The following MTSS1 variants were observed in gnomAD, a reference collection of about 807,000 sequenced individuals.
MTSS1 encodes protein MTSS 1.
Under a neutral mutation model 79.0 loss-of-function variants are expected in MTSS1, and 18 were observed. That is an observed-to-expected ratio of 0.23 (90% CI 0.16 to 0.34). The LOEUF is 0.34. Ranked by LOEUF, MTSS1 falls within the 10% of genes least tolerant of loss-of-function variation. The pLI is 1.00. For synonymous variants in MTSS1, 341 were observed against 368.6 expected (o/e 0.93, Z 0.86); for missense variants, 815 against 986.2 (o/e 0.83, Z 2.33).
intron 3 of MTSS1, among the ~76,000 whole-genome samples, chr8:124,641,837 G>A (rs1460336006): frequency 2.0e-5 from 3 of 152,148 alleles, no homozygotes; most frequent in Admixed American, 6.5e-5. Context: ...ATAAACAGAA[G>A]AGAATTTAAA....
At chr8:124,592,044 C>T (rs1563813937) in intron 3 of MTSS1, among the ~76,000 whole-genome samples, 1 of 152,132 alleles carries the variant, frequency 6.6e-6, no homozygotes, top group Non-Finnish European at 1.5e-5. Context: ...CCTCAGCCTC[C>T]CAAAGTGCTA....
chr8:124,657,763 C>T (rs181398127), intron 3 of MTSS1, among the ~76,000 whole-genome samples: 188 of 152,332 alleles, frequency 1.2e-3, no homozygotes, highest in Non-Finnish European at 2.2e-3. Context: ...AAGCATGAGG[C>T]TCTCAGCTCA....
At chr8:124,595,814 G>A (rs1832661527) in intron 3 of MTSS1, among the ~76,000 whole-genome samples, 1 of 152,184 alleles carries the variant, frequency 6.6e-6, no homozygotes, top group Non-Finnish European at 1.5e-5. Context: ...GCAGGGCACT[G>A]TGGCTGACTG....
intron 3 of MTSS1, among the ~76,000 whole-genome samples, chr8:124,608,324 G>A (rs984577804): frequency 1.3e-5 from 2 of 152,222 alleles, no homozygotes; most frequent in Non-Finnish European, 1.5e-5. Flanking sequence ...TCAGTCATCA[G>A]TTAGGAAGTT....
chr8:124,576,670 G>A (rs1201723215), intron 6 of MTSS1, among the ~76,000 whole-genome samples: 1 of 152,178 alleles, frequency 6.6e-6, no homozygotes, highest in Non-Finnish European at 1.5e-5. Context: ...ATGAATGGAA[G>A]AATGGCACCA....
At chr8:124,615,707 TCC>T (rs1836717484) in intron 3 of MTSS1, among the ~76,000 whole-genome samples, 1 of 152,188 alleles carries the variant, frequency 6.6e-6, no homozygotes, top group African/African-American at 2.4e-5. Flanking sequence ...TTATGCACAC[TCC>T]ACCACAACTA....
chr8:124,558,904 A>T, intron 10 of MTSS1: 2 of 1,458,192 alleles, frequency 1.4e-6, no homozygotes, highest in Non-Finnish European at 1.8e-6. Flanking sequence ...TATAATAAAT[A>T]AAAAAAGGAA....
chr8:124,583,796 G>A (rs1280903002), intron 6 of MTSS1, among the ~76,000 whole-genome samples: 3 of 152,038 alleles, frequency 2.0e-5, no homozygotes, highest in Admixed American at 6.6e-5. Flanking sequence ...GCTCTCTTCC[G>A]GGCCTCAGAC....
Position 124,688,844 on chromosome 8 carries a change from C to T in MTSS1, c.208+10682G>A, listed in dbSNP as rs1472335384. Among the ~76,000 whole-genome samples the T allele has an allele frequency of 5.3e-5, 8 of 152,108 alleles. No individual in the cohort carries two copies. In the East Asian group the frequency reaches 1.5e-3, roughly 29 times the overall value. On this transcript the variant is annotated intron_variant, in intron 3 of 13. Transcript: ENST00000518547. ...AACGCTAGAATCCCCAGTCTCCTTC[C>T]TAGCTGTGTGACCTCGGACAAGTGA...
chr8:124,629,008 G>A (rs1377196986), intron 3 of MTSS1, among the ~76,000 whole-genome samples: 3 of 152,176 alleles, frequency 2.0e-5, no homozygotes, highest in African/African-American at 7.2e-5. Flanking sequence ...TGGGGCAGGA[G>A]GGAAATGAGT....
rs1822618064 is a variant in MTSS1, at chr8:124,552,136, A to C, written c.*856T>G. ...ATAAAGGTGAGTACAATCAACGAGAAACTGAAGTGGGAGATTCTACGACTG... is the reference window on the plus strand; with the variant it reads ...ATAAAGGTGAGTACAATCAACGAGACACTGAAGTGGGAGATTCTACGACTG... On this transcript the variant is annotated 3_prime_UTR_variant, in exon 14 of 14. Transcript: ENST00000518547. 1 of 152,686 alleles carries C rather than the reference A, an allele frequency of 6.5e-6. No homozygotes were observed. The highest frequency in any genetic ancestry group is 1.5e-5 in the Non-Finnish European group (1 of 68,062). The allele number at this position is 152,686 out of a possible 1,614,324, so 9.5% of individuals were successfully genotyped here. A position where few individuals can be genotyped will look rare whatever the true frequency, so the allele number is the denominator to read the frequency against.
chr8:124,575,248 C>T (rs1400908627), intron 6 of MTSS1, among the ~76,000 whole-genome samples: 2 of 152,068 alleles, frequency 1.3e-5, no homozygotes, highest in Middle Eastern at 3.2e-3. Flanking sequence ...AAATCCAACC[C>T]GAAATCAAAA....
chr8:124,646,185 C>T (rs932335050), intron 3 of MTSS1, among the ~76,000 whole-genome samples: 1 of 152,206 alleles, frequency 6.6e-6, no homozygotes, highest in Non-Finnish European at 1.5e-5. Context: ...TTCTGTCCAT[C>T]TCACTGGAAT....
intron 1 of MTSS1, among the ~76,000 whole-genome samples, chr8:124,713,052 G>A (rs1831399663): frequency 6.6e-6 from 1 of 152,150 alleles, no homozygotes; most frequent in Non-Finnish European, 1.5e-5. Context: ...GTATTCCTTT[G>A]TCTATCCTGA....
intron 1 of MTSS1, among the ~76,000 whole-genome samples, chr8:124,710,613 G>A (rs932905711): frequency 3.9e-5 from 6 of 152,246 alleles, no homozygotes; most frequent in South Asian, 2.1e-4. Context: ...CTGGCTTAGG[G>A]TTGTTTGGCT....
chr8:124,577,981 A>G (rs1279022149), intron 6 of MTSS1, among the ~76,000 whole-genome samples: 2 of 152,224 alleles, frequency 1.3e-5, no homozygotes, highest in Non-Finnish European at 2.9e-5. Flanking sequence ...GTGAGTGCAT[A>G]GGCTGGATAC....
At chr8:124,714,322 C>T (rs1831595217) in intron 1 of MTSS1, among the ~76,000 whole-genome samples, 1 of 152,174 alleles carries the variant, frequency 6.6e-6, no homozygotes, top group African/African-American at 2.4e-5. Context: ...TCCCTACTAA[C>T]CATAGGAAAA....
At chr8:124,669,226 A>G (rs1823675930) in intron 3 of MTSS1, among the ~76,000 whole-genome samples, 1 of 152,246 alleles carries the variant, frequency 6.6e-6, no homozygotes, top group African/African-American at 2.4e-5. Flanking sequence ...TTCTGGATAA[A>G]TAATTACTCA....
intron 3 of MTSS1, among the ~76,000 whole-genome samples, chr8:124,599,121 C>A (rs527809361): frequency 7.2e-5 from 11 of 152,202 alleles, no homozygotes; most frequent in African/African-American, 2.7e-4. Flanking sequence ...GGACCCTGTG[C>A]GCTTGAACAG....
Sources: gnomAD v4.1 joint callset for allele counts (sites outside exome capture counted in the v4.1 genomes callset) on GRCh38, gnomAD v4.1.1 for gene constraint, MANE v1.5 for transcripts, NCBI Gene and HGNC (gene_info 2026-07-23, HGNC 2026-07-21) for gene names.